Variants in SPAG16 observed in about 807,000 individuals in gnomAD.
The protein encoded by SPAG16 is sperm associated antigen 16.
Under a neutral mutation model 80.4 loss-of-function variants are expected in SPAG16, and 86 were observed. The ratio of observed to expected loss-of-function variants is 1.07; its 90% confidence interval spans 0.90 to 1.28. SPAG16 has a LOEUF of 1.28. SPAG16 is among the 50% of genes most tolerant of loss of function. SPAG16 has a pLI of 0.00. For synonymous variants in SPAG16, 294 were observed against 265.9 expected (o/e 1.11, Z -1.03); for missense variants, 870 against 765.3 (o/e 1.14, Z -1.61).
intron 11 of SPAG16, among the ~76,000 whole-genome samples, chr2:213,878,417 T>C (rs1358079517): frequency 6.6e-6 from 1 of 152,046 alleles, no homozygotes; most frequent in African/African-American, 2.4e-5. Context: ...CTTGTATTTG[T>C]CAATATGCTT....
intron 10 of SPAG16, among the ~76,000 whole-genome samples, chr2:213,592,567 A>G (rs567557372): frequency 1.9e-4 from 29 of 152,212 alleles, no homozygotes; most frequent in Non-Finnish European, 3.1e-4. Flanking sequence ...ACATCCCGCA[A>G]TCTTAACAAT....
intron 14 of SPAG16, among the ~76,000 whole-genome samples, chr2:214,138,890 C>G (rs1053636623): frequency 2.6e-5 from 4 of 152,064 alleles, no homozygotes; most frequent in Non-Finnish European, 5.9e-5. Flanking sequence ...TATGAGGACA[C>G]CAGCTACAGT....
chr2:213,448,451 T>C (rs1273083014), intron 9 of SPAG16, among the ~76,000 whole-genome samples: 1 of 152,210 alleles, frequency 6.6e-6, no homozygotes, highest in Non-Finnish European at 1.5e-5. Context: ...TTGGATTAAG[T>C]CTATTGGGGG....
At chr2:213,554,036 C>T (rs75539677) in intron 10 of SPAG16, among the ~76,000 whole-genome samples, 7,781 of 152,186 alleles carry the variant, frequency 0.051, 683 homozygotes, top group African/African-American at 0.18. Context: ...CCTAACCTCA[C>T]CTCTCTGGCC....
chr2:213,477,020 G>A (rs2073439501), intron 9 of SPAG16, among the ~76,000 whole-genome samples: 1 of 152,120 alleles, frequency 6.6e-6, no homozygotes, highest in Non-Finnish European at 1.5e-5. Flanking sequence ...GCTGAGTCGG[G>A]TTTTTATGGG....
chr2:213,949,179 T>TTTTTTTTTTTTTTTTTGTTTTG (rs1553677674), intron 12 of SPAG16, among the ~76,000 whole-genome samples: 35 of 36,234 alleles, frequency 9.7e-4, no homozygotes, highest in Non-Finnish European at 1.5e-3. Flanking sequence ...GTTTTTTTTT[T>TTTTTTTTTTTTTTTTTGTTTTG]TTTTTTTTTT....
Position 214,012,763 on chromosome 2 carries a change from T to G in SPAG16, c.1401-1188T>G, listed in dbSNP as rs566335548. On this transcript the variant is annotated intron_variant, in intron 12 of 15. Coordinates refer to ENST00000331683, the MANE Select transcript of SPAG16 (RefSeq NM_024532.5). ...ATGAGGAGTGGTATTGCTCTATGTA[T>G]ACTCCGTTTCATTGAGAAACAGCCT... is the stretch of plus-strand genomic sequence containing the variant. Among the ~76,000 whole-genome samples, 4 of 152,320 alleles carry G rather than the reference T, an allele frequency of 2.6e-5. No homozygotes were observed. In the South Asian group the frequency reaches 8.3e-4, roughly 32 times the overall value.
In SPAG16 at chr2:213,428,027, T is replaced by C. The variant is rs78690967; in HGVS notation, c.942+52908T>C. 1.7e-4 allele frequency among the ~76,000 whole-genome samples: 26 copies of C among 152,322 alleles called. No homozygotes were observed. The East Asian group carries it at 5.0e-3, about 29-fold the overall frequency. ...CATCATCAACAGCTAATATAGAAGA[T>C]GGCAGAGTAGAGGGTTTTCTAGAGT... On this transcript the variant is annotated intron_variant, in intron 9 of 15. Transcript: ENST00000331683.
intron 12 of SPAG16, among the ~76,000 whole-genome samples, chr2:213,934,699 C>T (rs953268074): frequency 1.5e-4 from 23 of 152,170 alleles, no homozygotes. Flanking sequence ...AAGTTCTATA[C>T]AATAGAATAT....
In SPAG16 at chr2:213,874,698, C is replaced by T. The variant is rs149028637; in HGVS notation, c.1214+12070C>T. ...CAGCTCCATTATAATCTTATGAAAC[C>T]ATATCATATATGCAGTCCATCACTG... On this transcript the variant is annotated intron_variant, in intron 11 of 15. Transcript: ENST00000331683. 7.1e-3 allele frequency among the ~76,000 whole-genome samples: 1,084 copies of T among 152,188 alleles called. 9 individuals carry two copies. The highest frequency in any genetic ancestry group is 0.022 in the South Asian group (105 of 4,822).
At chr2:214,081,134 C>CAT (rs984951842) in intron 13 of SPAG16, among the ~76,000 whole-genome samples, 7 of 150,926 alleles carry the variant, frequency 4.6e-5, no homozygotes, top group Admixed American at 6.6e-5. Context: ...TTACATTTAA[C>CAT]ATATATATAT....
At chr2:214,066,037 A>G (rs1342876529) in intron 13 of SPAG16, among the ~76,000 whole-genome samples, 1 of 152,154 alleles carries the variant, frequency 6.6e-6, no homozygotes, top group Non-Finnish European at 1.5e-5. Context: ...TCACCTTCAA[A>G]TTATTCCCCT....
intron 8 of SPAG16, among the ~76,000 whole-genome samples, chr2:213,367,297 T>C (rs1307574033): frequency 1.3e-5 from 2 of 151,788 alleles, no homozygotes; most frequent in African/African-American, 4.8e-5. Flanking sequence ...CCTTTGGGTA[T>C]ATACCCAGTA....
intron 10 of SPAG16, among the ~76,000 whole-genome samples, chr2:213,827,602 T>TACCAGTGACCTTTGTATC (rs2073380234): frequency 6.6e-6 from 1 of 152,180 alleles, no homozygotes; most frequent in Non-Finnish European, 1.5e-5. Context: ...CCTGATTCTT[T>TACCAGTGACCTTTGTATC]ACTATTACCA....
chr2:213,701,784 G>A (rs112004720), intron 10 of SPAG16, among the ~76,000 whole-genome samples: 38 of 151,960 alleles, frequency 2.5e-4, no homozygotes, highest in African/African-American at 5.1e-4. Context: ...GATTGTAAAC[G>A]CACCAATCAG....
chr2:213,295,777 A>G (rs573425041), intron 1 of SPAG16, among the ~76,000 whole-genome samples: 1 of 152,292 alleles, frequency 6.6e-6, no homozygotes, highest in Admixed American at 6.5e-5. Context: ...AAGCCTTCAT[A>G]GAATCAAGTT....
Position 213,310,050 on chromosome 2 carries a change from A to G in SPAG16, c.280-9A>G. 6.4e-7 allele frequency: 1 copy of G among 1,557,108 alleles called. No individual in the cohort carries two copies. ...TTTCAGAATAAATAAATGCACGTTT[A>G]AATTTCAGGAACGGAAAACAGTTCT... On this transcript the variant is annotated splice_polypyrimidine_tract_variant and intron_variant, in intron 3 of 15. Coordinates refer to ENST00000331683, the MANE Select transcript of SPAG16 (RefSeq NM_024532.5).
intron 15 of SPAG16, among the ~76,000 whole-genome samples, chr2:214,359,019 ATC>A (rs1699001676): frequency 6.6e-6 from 1 of 151,878 alleles, no homozygotes; most frequent in African/African-American, 2.4e-5. Flanking sequence ...GAAAGAAAGG[ATC>A]AGTTATTGAA....
At chr2:214,302,375 G>GTGAT (rs1694616007) in intron 15 of SPAG16, among the ~76,000 whole-genome samples, 1 of 152,188 alleles carries the variant, frequency 6.6e-6, no homozygotes, top group Non-Finnish European at 1.5e-5. Flanking sequence ...GTAATGACTG[G>GTGAT]TGATAGTGCT....
Sources: gnomAD v4.1 joint callset for allele counts (sites outside exome capture counted in the v4.1 genomes callset) on GRCh38, gnomAD v4.1.1 for gene constraint, MANE v1.5 for transcripts, NCBI Gene and HGNC (gene_info 2026-07-23, HGNC 2026-07-21) for gene names.